Variants in NEDD4 observed in about 807,000 individuals in gnomAD.
NEDD4 encodes the protein NEDD4 E3 ubiquitin protein ligase, also known as E3 ubiquitin-protein ligase NEDD4.
A neutral mutation model predicts 144.9 loss-of-function variants in NEDD4; 99 were observed. That is an observed-to-expected ratio of 0.68 (90% CI 0.58 to 0.81). NEDD4 has a LOEUF of 0.81. NEDD4 is among the 30% of genes least tolerant of loss of function. NEDD4 has a pLI of 0.00. For missense variants in NEDD4, 985 were observed against 1,065.9 expected (o/e 0.92, Z 1.06); for synonymous variants, 318 against 350.6 (o/e 0.91, Z 1.04).
At chr15:55,861,062 C>T (rs1443494111) in intron 9 of NEDD4, among the ~76,000 whole-genome samples, 1 of 152,154 alleles carries the variant, frequency 6.6e-6, no homozygotes, top group Admixed American at 6.5e-5. Flanking sequence ...CATATAGGTA[C>T]TCAAAAATAT....
At chr15:55,869,906 C>A (rs1316421143) in intron 7 of NEDD4, among the ~76,000 whole-genome samples, 2 of 100,446 alleles carry the variant, frequency 2.0e-5, no homozygotes, top group Admixed American at 2.0e-4. Flanking sequence ...TGTTATGACA[C>A]AAAGAAGATG....
At chr15:55,872,830 A>C (rs2034851496) in intron 6 of NEDD4, among the ~76,000 whole-genome samples, 1 of 152,070 alleles carries the variant, frequency 6.6e-6, no homozygotes, top group Non-Finnish European at 1.5e-5. Context: ...GCATAGAGAT[A>C]ATTCTAGGAG....
Position 55,860,579 on chromosome 15 carries a change from A to G in NEDD4, c.793-5T>C. The G allele has an allele frequency of 6.2e-7, 1 of 1,613,974 alleles. No homozygotes were observed. Among genetic ancestry groups the G allele is most frequent in the Non-Finnish European group, 8.5e-7 (1 of 1,179,942 alleles). ...TTCTCTTATAATTTCCCAGTTCTAA[A>G]ATGAACAGAATAAGCTTGAGCCACA... On this transcript the variant is annotated splice_region_variant and splice_polypyrimidine_tract_variant and intron_variant, in intron 10 of 28. Transcript: ENST00000435532.
chr15:55,848,261 G>A (rs1210027805), intron 17 of NEDD4, 111 bp downstream of exon 17: 46 of 961,878 alleles, frequency 4.8e-5, no homozygotes, highest in Non-Finnish European at 6.9e-5. Context: ...AGGAGAGAAC[G>A]GCCAATGTGC....
chr15:55,958,397 T>A (rs188222173), intron 2 of NEDD4, among the ~76,000 whole-genome samples: 3 of 152,228 alleles, frequency 2.0e-5, no homozygotes, highest in Non-Finnish European at 2.9e-5. Context: ...GATATATTGC[T>A]ACATAATGTT....
intron 5 of NEDD4, chr15:55,916,237 C>T (rs867309477): frequency 1.9e-6 from 3 of 1,613,894 alleles, no homozygotes; most frequent in African/African-American, 2.7e-5. Context: ...AAAAAAGTAT[C>T]ATCACTTGGT....
chr15:55,845,111 T>C (rs1477125002), intron 18 of NEDD4, among the ~76,000 whole-genome samples: 2 of 152,264 alleles, frequency 1.3e-5, no homozygotes, highest in African/African-American at 4.8e-5. Context: ...TGAGAATTCA[T>C]ATTCTTAGCC....
chr15:55,939,409 C>T (rs377622838), intron 4 of NEDD4, among the ~76,000 whole-genome samples: 58 of 152,278 alleles, frequency 3.8e-4, no homozygotes, highest in African/African-American at 1.4e-3. Context: ...GAGGCCTCCC[C>T]AGCCATGTGG....
Position 55,916,041 on chromosome 15 carries a change from G to A in NEDD4, c.291+8605C>T. ...ACTCCTAGGAAAAATGACTAAGGAGGAGTAACGTTTTAGTGGAATTTTTGT... is the reference window on the plus strand; with the variant it reads ...ACTCCTAGGAAAAATGACTAAGGAGAAGTAACGTTTTAGTGGAATTTTTGT... On this transcript the variant is annotated intron_variant, in intron 5 of 28. Transcript: ENST00000435532. 1.2e-6 allele frequency: 2 copies of A among 1,613,912 alleles called. No homozygotes were observed. Among genetic ancestry groups the A allele is most frequent in the Non-Finnish European group, 1.7e-6 (2 of 1,179,900 alleles).
In NEDD4 at chr15:55,838,219, G is replaced by C. The variant is rs201231776; in HGVS notation, c.2128-39C>G. The C allele has an allele frequency of 3.6e-6, 5 of 1,399,416 alleles. No homozygotes were observed. The East Asian group carries it at 1.2e-4, about 33-fold the overall frequency. 86.7% of individuals were successfully genotyped at this position (1,399,416 alleles called of 1,614,324 possible). A position where few individuals can be genotyped will look rare whatever the true frequency, so the allele number is the denominator to read the frequency against. On this transcript the variant is annotated intron_variant, in intron 22 of 28. Transcript: ENST00000435532. ...CAATAACTTGATATGTTATTTTAGC[G>C]AGAAAAATTTAAAAAGTATACATAT...
chr15:55,877,143 C>T (rs1003089492), intron 5 of NEDD4, among the ~76,000 whole-genome samples: 22 of 152,286 alleles, frequency 1.4e-4, no homozygotes, highest in Middle Eastern at 3.4e-3. Context: ...ACCAGAAATA[C>T]TATTAACTAC....
intron 4 of NEDD4, among the ~76,000 whole-genome samples, chr15:55,944,108 G>A (rs2037062273): frequency 6.6e-6 from 1 of 152,228 alleles, no homozygotes; most frequent in Non-Finnish European, 1.5e-5. Flanking sequence ...TCCACCTGAG[G>A]TGCCTGGTTC....
intron 5 of NEDD4, among the ~76,000 whole-genome samples, chr15:55,894,388 C>A (rs956511394): frequency 6.6e-6 from 1 of 152,016 alleles, no homozygotes. Context: ...AAATTTTATA[C>A]CACTTTATTT....
rs749707107 is a variant in NEDD4, at chr15:55,916,552, T to C, written c.291+8094A>G. ...GACTGAAGATATCCACTGTACCTTGTTGGCTGTAGTGAAATCTGTAGACAG... is the reference window on the plus strand; with the variant it reads ...GACTGAAGATATCCACTGTACCTTGCTGGCTGTAGTGAAATCTGTAGACAG... On this transcript the variant is annotated intron_variant, in intron 5 of 28. Coordinates refer to ENST00000435532, the MANE Select transcript of NEDD4 (RefSeq NM_006154.4). The C allele has an allele frequency of 1.2e-6, 2 of 1,614,116 alleles. No homozygotes were observed. Among genetic ancestry groups the C allele is most frequent in the Admixed American group, 1.7e-5 (1 of 60,018 alleles).
chr15:55,864,631 G>GA (rs1302860552), intron 8 of NEDD4, among the ~76,000 whole-genome samples: 1 of 148,356 alleles, frequency 6.7e-6, no homozygotes, highest in African/African-American at 2.5e-5. Flanking sequence ...ATGGTGAGCC[G>GA]AAATCACGCC....
intron 11 of NEDD4, among the ~76,000 whole-genome samples, chr15:55,859,747 G>A (rs2034329117): frequency 1.3e-5 from 2 of 152,100 alleles, no homozygotes; most frequent in Non-Finnish European, 2.9e-5. Context: ...AACTGGGAGA[G>A]AGAAAAGCAG....
At chr15:55,883,024 G>A (rs765858702) in intron 5 of NEDD4, among the ~76,000 whole-genome samples, 26 of 152,182 alleles carry the variant, frequency 1.7e-4, no homozygotes, top group Non-Finnish European at 3.2e-4. Context: ...GAGTAAAGAG[G>A]ACTTTGTATT....
chr15:55,915,190 T>C (rs1007701195), intron 5 of NEDD4: 47 of 1,205,538 alleles, frequency 3.9e-5, no homozygotes, highest in South Asian at 6.8e-5. Context: ...CAGGAAAATA[T>C]GTAAAACTGC....
chr15:55,906,396 T>C (rs1334027934), intron 5 of NEDD4, among the ~76,000 whole-genome samples: 5 of 152,148 alleles, frequency 3.3e-5, no homozygotes, highest in African/African-American at 1.2e-4. Context: ...TGTCCATCAA[T>C]GATAGACTGG....
Sources: allele counts gnomAD v4.1 joint callset (sites outside exome capture counted in the v4.1 genomes callset), GRCh38; gene constraint gnomAD v4.1.1; transcripts MANE v1.5; gene names NCBI Gene and HGNC (gene_info 2026-07-23, HGNC 2026-07-21).